The following NKAIN3 variants were observed in gnomAD, a reference collection of about 807,000 sequenced individuals.
NKAIN3 encodes sodium/potassium-transporting ATPase subunit beta-1-interacting protein 3.
In NKAIN3, 25 loss-of-function variants were observed where a neutral mutation model predicts 30.2. The ratio of observed to expected loss-of-function variants is 0.83; its 90% CI spans 0.60 to 1.16. The LOEUF (loss-of-function observed/expected upper bound fraction) is 1.16. Ranked by LOEUF, NKAIN3 falls within the 50% of genes most tolerant of loss-of-function variation. NKAIN3 has a pLI of 0.00. For missense variants in NKAIN3, 225 were observed against 254.1 expected (o/e 0.89, Z 0.78); for synonymous variants, 91 against 89.6 (o/e 1.02, Z -0.09).
At position 62,530,625 on chromosome 8, in the gene NKAIN3, TTTA is replaced by T; in HGVS notation, c.55-48908_55-48906del. On this transcript the variant is annotated intron_variant, in intron 1 of 6. Transcript: ENST00000623646. ...TGGTACATACGTATGTATGTATTTA[TTTA>T]TTATTTATTTATTTATTTATTTATT... is the stretch of plus-strand genomic sequence containing the variant. Among the ~76,000 whole-genome samples the T allele has an allele frequency of 2.6e-5, 4 of 152,112 alleles. No homozygotes were observed. In the East Asian group the frequency reaches 7.7e-4, roughly 29 times the overall value.
At chr8:62,923,320 G>A (rs1296372875) in intron 5 of NKAIN3, among the ~76,000 whole-genome samples, 1 of 151,400 alleles carries the variant, frequency 6.6e-6, no homozygotes, top group African/African-American at 2.4e-5. Flanking sequence ...GGGAGACGCT[G>A]TCTCAAAAAA....
chr8:62,969,322 A>C lies in NKAIN3; in HGVS notation c.*3915A>C, dbSNP rs1823781396. ...TCCTGATTGAGAAGAATTTGTCTTCATTAAAACTAGCTAAAATGTACATTG... is the reference window on the plus strand; with the variant it reads ...TCCTGATTGAGAAGAATTTGTCTTCCTTAAAACTAGCTAAAATGTACATTG... On this transcript the variant is annotated 3_prime_UTR_variant, in exon 7 of 7. Transcript: ENST00000623646. Among the ~76,000 whole-genome samples the C allele has an allele frequency of 1.3e-5, 2 of 152,236 alleles. No individual in the cohort carries two copies. Among genetic ancestry groups the C allele is most frequent in the South Asian group, 2.1e-4 (1 of 4,830 alleles).
intron 1 of NKAIN3, among the ~76,000 whole-genome samples, chr8:62,283,922 A>G (rs763464651): frequency 1.1e-4 from 17 of 152,176 alleles, no homozygotes; most frequent in Non-Finnish European, 2.1e-4. Flanking sequence ...TAATGTATTG[A>G]TTTAAAGAGA....
intron 3 of NKAIN3, among the ~76,000 whole-genome samples, chr8:62,688,006 A>G (rs2130434621): frequency 1.3e-5 from 2 of 152,372 alleles, no homozygotes; most frequent in South Asian, 4.1e-4. Context: ...ATATGGCTAG[A>G]CAGTAAATTA....
intron 4 of NKAIN3, among the ~76,000 whole-genome samples, chr8:62,759,699 T>C (rs531529648): frequency 6.0e-5 from 9 of 149,166 alleles, no homozygotes; most frequent in African/African-American, 2.2e-4. Context: ...AGAAAGTACA[T>C]AGGCATGGGC....
intron 1 of NKAIN3, among the ~76,000 whole-genome samples, chr8:62,456,684 A>G (rs982531049): frequency 6.6e-6 from 1 of 152,230 alleles, no homozygotes; most frequent in African/African-American, 2.4e-5. Context: ...ATGTAGATAC[A>G]GGACCCAGCT....
Position 62,973,809 on chromosome 8 carries a change from A to C in NKAIN3, c.*8402A>C, listed in dbSNP as rs1218692555. Among the ~76,000 whole-genome samples the C allele has an allele frequency of 6.6e-6, 1 of 152,110 alleles. No individual in the cohort carries two copies. Among genetic ancestry groups the C allele is most frequent in the Admixed American group, 6.6e-5 (1 of 15,258 alleles). ...TTTAATGGCTTTGGGTTTTACATTTAAGTTTTTAAGCCATCTTGAGTTAAT... is the reference window on the plus strand; with the variant it reads ...TTTAATGGCTTTGGGTTTTACATTTCAGTTTTTAAGCCATCTTGAGTTAAT... On this transcript the variant is annotated 3_prime_UTR_variant, in exon 7 of 7. Transcript: ENST00000623646.
At position 62,836,323 on chromosome 8, in the gene NKAIN3, T is replaced by A. The variant is rs10103993; in HGVS notation, c.472-82130T>A. On this transcript the variant is annotated intron_variant, in intron 4 of 6. Transcript: ENST00000623646. ...TGCACATATACCGCCTCAATCTTAATAAAAGTTGAAATTATTTTTAAAAAA... is the reference window on the plus strand; with the variant it reads ...TGCACATATACCGCCTCAATCTTAAAAAAAGTTGAAATTATTTTTAAAAAA... Among the ~76,000 whole-genome samples the A allele has an allele frequency of 8.8e-3, 1,344 of 152,132 alleles. 23 individuals are homozygous for A. Among genetic ancestry groups the A allele is most frequent in the African/African-American group, 0.031 (1,303 of 41,524 alleles).
chr8:62,359,196 A>G (rs1816463348), intron 1 of NKAIN3, among the ~76,000 whole-genome samples: 1 of 152,180 alleles, frequency 6.6e-6, no homozygotes, highest in South Asian at 2.1e-4. Context: ...TATATATATT[A>G]CTAGTTCCCA....
intron 1 of NKAIN3, among the ~76,000 whole-genome samples, chr8:62,559,173 G>A (rs957337245): frequency 6.6e-6 from 1 of 151,920 alleles, no homozygotes; most frequent in South Asian, 2.1e-4. Context: ...ATGGGATCTA[G>A]TTGTTTGATT....
At chr8:62,895,147 A>G (rs896474881) in intron 4 of NKAIN3, among the ~76,000 whole-genome samples, 2 of 152,232 alleles carry the variant, frequency 1.3e-5, no homozygotes, top group Non-Finnish European at 2.9e-5. Context: ...CCCACAATAT[A>G]GAAGCCTACA....
chr8:62,477,129 T>C (rs1286509002), intron 1 of NKAIN3, among the ~76,000 whole-genome samples: 1 of 152,140 alleles, frequency 6.6e-6, no homozygotes, highest in Non-Finnish European at 1.5e-5. Flanking sequence ...AGGAAACAGC[T>C]GGTGAAATGT....
chr8:62,676,947 G>A (rs1813496688), intron 3 of NKAIN3, among the ~76,000 whole-genome samples: 1 of 151,932 alleles, frequency 6.6e-6, no homozygotes, highest in Admixed American at 6.6e-5. Context: ...TCAAATTCCT[G>A]GTCTCAAGCG....
chr8:62,586,653 G>A (rs1277614553), intron 2 of NKAIN3, among the ~76,000 whole-genome samples: 4 of 152,020 alleles, frequency 2.6e-5, no homozygotes, highest in East Asian at 3.9e-4. Flanking sequence ...AGCTCAGAAA[G>A]TAAAAATAAT....
intron 4 of NKAIN3, among the ~76,000 whole-genome samples, chr8:62,767,833 A>G (rs1249184238): frequency 2.6e-5 from 4 of 152,052 alleles, no homozygotes; most frequent in Non-Finnish European, 4.4e-5. Flanking sequence ...TAGAATGCAC[A>G]CTAGATTTGG....
intron 1 of NKAIN3, among the ~76,000 whole-genome samples, chr8:62,572,602 G>A (rs1416841686): frequency 6.6e-6 from 1 of 152,154 alleles, no homozygotes. Context: ...AAGGAAAGAG[G>A]TTTATTGGAT....
At position 62,433,443 on chromosome 8, in the gene NKAIN3, A is replaced by T. The variant is rs964428075; in HGVS notation, c.55-146096A>T. Among the ~76,000 whole-genome samples the T allele has an allele frequency of 5.9e-5, 9 of 152,316 alleles. No homozygotes were observed. The South Asian group carries it at 8.3e-4, about 14-fold the overall frequency. The stretch of plus-strand genomic sequence containing the variant: ...CAGTTTCTTAAATTAATAGAAAAAA[A>T]TACAAGCAAAGTTACAACAATTATT... On this transcript the variant is annotated intron_variant, in intron 1 of 6. Transcript: ENST00000623646.
intron 1 of NKAIN3, among the ~76,000 whole-genome samples, chr8:62,542,855 A>G (rs1407939155): frequency 6.6e-6 from 1 of 152,128 alleles, no homozygotes; most frequent in African/African-American, 2.4e-5. Context: ...CCACATGCAT[A>G]TATATCTAAG....
chr8:62,810,394 A>T (rs1173686232), intron 4 of NKAIN3, among the ~76,000 whole-genome samples: 2 of 152,218 alleles, frequency 1.3e-5, no homozygotes, highest in Non-Finnish European at 2.9e-5. Context: ...TATGGTGTGC[A>T]AGCATGGGAA....
Sources: gnomAD v4.1 joint callset for allele counts (sites outside exome capture counted in the v4.1 genomes callset) on GRCh38, gnomAD v4.1.1 for gene constraint, MANE v1.5 for transcripts, NCBI Gene and HGNC (gene_info 2026-07-23, HGNC 2026-07-21) for gene names.